The following MAPK10 variants were observed in gnomAD, a reference collection of about 807,000 sequenced individuals.
MAPK10 encodes mitogen-activated protein kinase 10, also known as JNK3 alpha protein kinase.
Under a neutral mutation model 59.3 loss-of-function variants are expected in MAPK10, and 25 were observed. The ratio of observed to expected loss-of-function variants is 0.42; its 90% CI spans 0.31 to 0.59. The LOEUF (loss-of-function observed/expected upper bound fraction) is 0.59. Among genes scored for constraint, MAPK10 ranks in the 20% least tolerant of loss-of-function variants. The pLI is 0.15. For synonymous variants in MAPK10, 190 were observed against 200.5 expected, an observed-to-expected ratio of 0.95 and a Z score of 0.44; for missense variants, 351 against 568.9, an observed-to-expected ratio of 0.62 and a Z score of 3.90.
chr4:86,145,138 A>T (rs2064601236), intron 4 of MAPK10, among the ~76,000 whole-genome samples: 1 of 152,158 alleles, frequency 6.6e-6, no homozygotes, highest in Non-Finnish European at 1.5e-5. Context: ...ATTTTTTTCT[A>T]CTTTTCCTTT....
intron 2 of MAPK10, among the ~76,000 whole-genome samples, chr4:86,285,575 T>C (rs2094974264): frequency 6.6e-6 from 1 of 152,170 alleles, no homozygotes; most frequent in Non-Finnish European, 1.5e-5. Flanking sequence ...TAGATTTACC[T>C]ATCTGAACAG....
chr4:86,035,437 C>T (rs1412527244), intron 11 of MAPK10, among the ~76,000 whole-genome samples: 1 of 138,644 alleles, frequency 7.2e-6, no homozygotes. Context: ...AGAAGAGAAA[C>T]CACTGAGGAA....
intron 1 of MAPK10, among the ~76,000 whole-genome samples, chr4:86,428,662 A>G (rs949432108): frequency 6.6e-6 from 1 of 152,174 alleles, no homozygotes; most frequent in African/African-American, 2.4e-5. Context: ...GAAAAGTGCT[A>G]TGTTTTTTCA....
chr4:86,105,376 G>C (rs550924789), intron 5 of MAPK10, among the ~76,000 whole-genome samples: 2 of 152,192 alleles, frequency 1.3e-5, no homozygotes, highest in Non-Finnish European at 2.9e-5. Flanking sequence ...TAGCAGGTGT[G>C]ATGCTATTTA....
chr4:86,364,392 G>A (rs188665569), upstream of MAPK10, among the ~76,000 whole-genome samples: 12 of 152,144 alleles, frequency 7.9e-5, no homozygotes, highest in Admixed American at 5.2e-4. Context: ...ACCTCCCAAC[G>A]TGCTGAGATT....
chr4:86,332,581 A>T (rs1457862775), intron 2 of MAPK10: 1 of 152,222 alleles, frequency 6.6e-6, no homozygotes, highest in Non-Finnish European at 1.5e-5. Flanking sequence ...GACACAGCAC[A>T]GTTCCACTGT....
At chr4:86,360,211 T>C (rs1475802431), upstream of MAPK10, 1 of 985,690 alleles carries the variant, frequency 1.0e-6, no homozygotes. Context: ...AGCTACTGTG[T>C]TTTCCGGTGA....
intron 1 of MAPK10, among the ~76,000 whole-genome samples, chr4:86,586,537 A>G (rs972466102): frequency 1.3e-5 from 2 of 152,254 alleles, no homozygotes; most frequent in African/African-American, 4.8e-5. Context: ...AAACCAATCC[A>G]CATTAACGTG....
At chr4:86,471,060 G>A (rs1752613731) in intron 1 of MAPK10, among the ~76,000 whole-genome samples, 1 of 152,094 alleles carries the variant, frequency 6.6e-6, no homozygotes, top group Non-Finnish European at 1.5e-5. Flanking sequence ...CACAAGGTCA[G>A]GAGTTCAAGA....
At chr4:86,582,873 TTAATA>T (rs1401009829) in intron 1 of MAPK10, among the ~76,000 whole-genome samples, 2 of 152,180 alleles carry the variant, frequency 1.3e-5, no homozygotes, top group African/African-American at 4.8e-5. Context: ...GAATGTGTTA[TTAATA>T]TAATTAGGTG....
chr4:86,358,370 C>T lies in MAPK10; in HGVS notation c.-122+1288G>A, dbSNP rs138440587. On this transcript the variant is annotated intron_variant, in intron 1 of 13. Transcript: ENST00000641462. ...TGTTGTGCTGGCAATGCCTGGTGCACTTACACTCGTTTTCCTTCCACCTGA... is the reference window on the plus strand; with the variant it reads ...TGTTGTGCTGGCAATGCCTGGTGCATTTACACTCGTTTTCCTTCCACCTGA... 714 of 985,386 alleles carry T rather than the reference C, an allele frequency of 7.2e-4. 3 individuals are homozygous for T. The African/African-American group carries it at 0.012, about 16-fold the overall frequency. The allele number at this position is 985,386 out of a possible 1,614,324, so 61.0% of individuals were successfully genotyped here.
In MAPK10 at chr4:86,017,710, G is replaced by A. The variant is rs1343267430; in HGVS notation, c.1253-340C>T. Among the ~76,000 whole-genome samples, 1 of 152,078 alleles carries A rather than the reference G, an allele frequency of 6.6e-6. No homozygotes were observed. Among genetic ancestry groups the A allele is most frequent in the African/African-American group, 2.4e-5 (1 of 41,418 alleles). ...TATAATTGGCCTTGGGTGAGGCCAA[G>A]GTATTTGCATTTTTATTTATTTATT... On this transcript the variant is annotated intron_variant, in intron 13 of 13. Transcript: ENST00000641462. This position sits in a 1 kb window ranked among gnomAD's most constrained non-coding sequence, Gnocchi z 4.4.
intron 1 of MAPK10, among the ~76,000 whole-genome samples, chr4:86,542,824 T>G (rs1228374002): frequency 6.6e-6 from 1 of 152,168 alleles, no homozygotes; most frequent in East Asian, 1.9e-4. Context: ...GCACTGATGT[T>G]TTCCATCTTG....
At chr4:86,123,245 T>G (rs1561989400) in intron 4 of MAPK10, among the ~76,000 whole-genome samples, 2 of 152,118 alleles carry the variant, frequency 1.3e-5, no homozygotes, top group South Asian at 2.1e-4. Context: ...TTTTAAAGTC[T>G]GATTATTACC....
chr4:86,295,742 TTATATATATTTTATA>T lies in MAPK10; in HGVS notation c.-7+58773_-7+58787del, dbSNP rs1215323299. On this transcript the variant is annotated intron_variant, in intron 2 of 13. Transcript: ENST00000641462. ...ATATATGAATATATAATATATAAAT[TTATATATATTTTATA>T]TATATATATTTTATATATATATATA... Among the ~76,000 whole-genome samples, 946 of 143,842 alleles carry T rather than the reference TTATATATATTTTATA, an allele frequency of 6.6e-3. 14 individuals are homozygous for T. Among genetic ancestry groups the T allele is most frequent in the African/African-American group, 0.022 (845 of 37,564 alleles). 94.4% of individuals were successfully genotyped at this position (143,842 alleles called of 152,430 possible). A position where few individuals can be genotyped will look rare whatever the true frequency, so the allele number is the denominator to read the frequency against.
At chr4:86,168,598 C>T in intron 3 of MAPK10, among the ~76,000 whole-genome samples, 1 of 152,208 alleles carries the variant, frequency 6.6e-6, no homozygotes, top group Non-Finnish European at 1.5e-5. Flanking sequence ...CTCAAGGAGG[C>T]CTGCCTGCCT....
At chr4:86,503,524 C>T (rs1755483959) in intron 1 of MAPK10, among the ~76,000 whole-genome samples, 1 of 152,090 alleles carries the variant, frequency 6.6e-6, no homozygotes, top group African/African-American at 2.4e-5. Flanking sequence ...ATTGAGTGCA[C>T]ACTCCTTAGT....
chr4:86,531,045 C>G (rs1423449700), intron 1 of MAPK10, among the ~76,000 whole-genome samples: 2 of 152,166 alleles, frequency 1.3e-5, no homozygotes. Context: ...AAGTGGGGAG[C>G]TGGATGATCT....
In MAPK10 at chr4:86,082,632, A is replaced by G. The variant is rs140604320; in HGVS notation, c.803-14677T>C. 1.3e-3 allele frequency among the ~76,000 whole-genome samples: 199 copies of G among 152,344 alleles called. 1 individual carries two copies. The highest frequency in any genetic ancestry group is 4.7e-3 in the African/African-American group (194 of 41,584). ...AGGAGAAATGGCTGAAGGCAGCCAA[A>G]TTCTGTTATCCAGAACCTGAAGGCA... On this transcript the variant is annotated intron_variant, in intron 9 of 13. Transcript: ENST00000641462.
Sources: allele counts gnomAD v4.1 joint callset (sites outside exome capture counted in the v4.1 genomes callset), GRCh38; gene constraint gnomAD v4.1.1; non-coding constraint Gnocchi (gnomAD v3.1); transcripts MANE v1.5; gene names NCBI Gene and HGNC (gene_info 2026-07-23, HGNC 2026-07-21).